The following PRMT8 variants were observed in gnomAD, a reference collection of about 807,000 sequenced individuals.
The protein encoded by PRMT8 is protein arginine methyltransferase 8, also known as protein arginine N-methyltransferase 8.
A neutral mutation model predicts 47.1 loss-of-function variants in PRMT8; 7 were observed. The ratio of observed to expected loss-of-function variants is 0.15; its 90% CI spans 0.08 to 0.28. PRMT8 has a LOEUF of 0.28. Ranked by LOEUF, PRMT8 falls within the 10% of genes least tolerant of loss-of-function variation. The probability of loss-of-function intolerance (pLI) is 1.00; values close to 1 mark genes in which losing one functional copy is unlikely to be tolerated. For missense variants in PRMT8, 237 were observed against 505.4 expected (o/e 0.47, Z 5.09); for synonymous variants, 188 against 186.5 (o/e 1.01, Z -0.07).
intron 4 of PRMT8, among the ~76,000 whole-genome samples, chr12:3,560,263 G>C (rs1355699439): frequency 6.6e-6 from 1 of 152,206 alleles, no homozygotes; most frequent in Non-Finnish European, 1.5e-5. Context: ...GGTCTCAGGA[G>C]CGTAGGTGTA....
intron 1 of PRMT8, chr12:3,469,216 G>A (rs1024877477): frequency 8.9e-5 from 42 of 471,772 alleles, no homozygotes; most frequent in South Asian, 4.9e-4. Context: ...CAGATCTAGT[G>A]AAGCCAGCAA....
intron 4 of PRMT8, among the ~76,000 whole-genome samples, chr12:3,563,583 T>A (rs1866671824): frequency 6.6e-6 from 1 of 152,084 alleles, no homozygotes; most frequent in Admixed American, 6.5e-5. Flanking sequence ...TCCTTTGCCT[T>A]CTCTGATTTC....
Position 3,568,755 on chromosome 12 carries a change from G to C in PRMT8, c.531G>C (p.Glu177Asp). 6.2e-7 allele frequency: 1 copy of C among 1,614,178 alleles called. No individual in the cohort carries two copies. Among genetic ancestry groups the C allele is most frequent in the Non-Finnish European group, 8.5e-7 (1 of 1,180,034 alleles). ...TGGAAGAGGTGGAGCTGCCTGTGGA[G>C]AAGGTGGACATCATCATCAGCGAGT... is the stretch of plus-strand genomic sequence containing the variant. ...GKVEEVELPVEKVDIIISEWM... is the reference protein window; with the variant it reads ...GKVEEVELPVDKVDIIISEWM... Residue 177 changes from glutamate to aspartate, a missense_variant, in exon 5 of 10, where the codon GAG (glutamate) becomes GAC (aspartate). This residue lies in a region of PRMT8 where 151 missense variants were observed against 341.1 expected (regional missense o/e 0.44). Coordinates refer to ENST00000382622, the MANE Select transcript of PRMT8 (RefSeq NM_019854.5).
At chr12:3,542,171 G>A (rs1351945942) in intron 2 of PRMT8, among the ~76,000 whole-genome samples, 1 of 152,208 alleles carries the variant, frequency 6.6e-6, no homozygotes, top group Non-Finnish European at 1.5e-5. Context: ...AGACTCAGGG[G>A]CTCAGCCTCA....
intron 1 of PRMT8, among the ~76,000 whole-genome samples, chr12:3,426,621 T>C (rs1864607150): frequency 6.6e-6 from 1 of 152,214 alleles, no homozygotes; most frequent in African/African-American, 2.4e-5. Flanking sequence ...AAGGCAAGCA[T>C]TAAATGCAAT....
At chr12:3,411,272 C>T (rs1374130284) in intron 1 of PRMT8, among the ~76,000 whole-genome samples, 1 of 152,208 alleles carries the variant, frequency 6.6e-6, no homozygotes, top group Non-Finnish European at 1.5e-5. Flanking sequence ...TAGAGTCTAC[C>T]TGTTGCTTTG....
rs1287762997 is a variant in PRMT8 at position 3,436,835 on chromosome 12, C to T, written c.48+55393C>T. On this transcript the variant is annotated intron_variant, in intron 1 of 9. Transcript: ENST00000452611. The surrounding 1 kb of genome is among the most constrained non-coding windows in gnomAD (Gnocchi z 4.2). ...AGGCTGCGATTTCTCTCTACTGATG[C>T]TGTGGCCTCTGTGGCAGGGCAAGCA... 6.6e-6 allele frequency among the ~76,000 whole-genome samples: 1 copy of T among 152,218 alleles called. No individual in the cohort carries two copies. Among genetic ancestry groups the T allele is most frequent in the Non-Finnish European group, 1.5e-5 (1 of 68,044 alleles).
chr12:3,463,142 A>T (rs1383516581), intron 1 of PRMT8, among the ~76,000 whole-genome samples: 6 of 152,176 alleles, frequency 3.9e-5, no homozygotes, highest in Non-Finnish European at 8.8e-5. Flanking sequence ...ACCCAATATT[A>T]TATCCCCATT....
upstream of PRMT8, among the ~76,000 whole-genome samples, chr12:3,489,109 T>C (rs1865348444): frequency 6.6e-6 from 1 of 152,082 alleles, no homozygotes; most frequent in South Asian, 2.1e-4. Flanking sequence ...GACAGAAAAC[T>C]CTTGCCATGA....
In PRMT8 at chr12:3,576,179, A is replaced by G. The variant is rs932977565; in HGVS notation, c.713-692A>G. 1.3e-5 allele frequency among the ~76,000 whole-genome samples: 2 copies of G among 152,204 alleles called. No individual in the cohort carries two copies. The highest frequency in any genetic ancestry group is 2.9e-5 in the Non-Finnish European group (2 of 68,036). On this transcript the variant is annotated intron_variant, in intron 6 of 9. Coordinates refer to ENST00000382622, the MANE Select transcript of PRMT8 (RefSeq NM_019854.5). This position sits in a 1 kb window ranked among gnomAD's most constrained non-coding sequence, Gnocchi z 4.0. ...CTGACAAGGAGAGGGTTTGTGCTCC[A>G]CTTGGGGGTAGTTCCTAATGGGGTG...
chr12:3,573,843 C>T (rs887306588), intron 6 of PRMT8: 1 of 152,096 alleles, frequency 6.6e-6, no homozygotes. Flanking sequence ...ATGGCTCTTA[C>T]CCCACATACA....
At position 3,453,684 on chromosome 12, in the gene PRMT8, G is replaced by A. The variant is rs1277269846; in HGVS notation, c.48+72242G>A. On this transcript the variant is annotated intron_variant, in intron 1 of 9. Coordinates refer to the PRMT8 transcript ENST00000452611. The surrounding 1 kb of genome is among the most constrained non-coding windows in gnomAD (Gnocchi z 4.9). ...TCACAGCCAGGGCAAATGCTGGGGC[G>A]CAGCCATGCTGGCTGTCTCCTCGTC... Among the ~76,000 whole-genome samples, 11 of 152,166 alleles carry A rather than the reference G, an allele frequency of 7.2e-5. No individual in the cohort carries two copies. Among genetic ancestry groups the A allele is most frequent in the Non-Finnish European group, 1.2e-4 (8 of 68,020 alleles).
intron 7 of PRMT8, among the ~76,000 whole-genome samples, chr12:3,579,002 A>T (rs572464837): frequency 1.3e-5 from 2 of 152,258 alleles, no homozygotes; most frequent in South Asian, 4.1e-4. Context: ...GGCAGGATTA[A>T]TTGTGAGCAA....
In PRMT8 at chr12:3,527,350, C is replaced by T. The variant is rs151024390; in HGVS notation, c.76-13256C>T. Among the ~76,000 whole-genome samples, 332 of 152,212 alleles carry T rather than the reference C, an allele frequency of 2.2e-3. 4 individuals carry two copies. The highest frequency in any genetic ancestry group is 7.8e-3 in the African/African-American group (326 of 41,546). ...GTGACTAATGGGCGGGCAGCATATACAGCATGAATATGCTGGACAAAGGGA... is the reference window on the plus strand; with the variant it reads ...GTGACTAATGGGCGGGCAGCATATATAGCATGAATATGCTGGACAAAGGGA... On this transcript the variant is annotated intron_variant, in intron 1 of 9. Coordinates refer to ENST00000382622, the MANE Select transcript of PRMT8 (RefSeq NM_019854.5).
chr12:3,432,945 C>T (rs1460954446), intron 1 of PRMT8, among the ~76,000 whole-genome samples: 2 of 152,168 alleles, frequency 1.3e-5, no homozygotes, highest in South Asian at 2.1e-4. Flanking sequence ...CTCTTATAAT[C>T]GTCCATAGAT....
chr12:3,431,373 G>A (rs1475487928), intron 1 of PRMT8, among the ~76,000 whole-genome samples: 2 of 152,176 alleles, frequency 1.3e-5, no homozygotes, highest in Non-Finnish European at 2.9e-5. Context: ...CTATTTCAAT[G>A]TGGGGCCGAA....
chr12:3,435,826 G>A (rs1009439318), intron 1 of PRMT8, among the ~76,000 whole-genome samples: 1 of 152,144 alleles, frequency 6.6e-6, no homozygotes, highest in Non-Finnish European at 1.5e-5. Context: ...GGCCAACGTC[G>A]TGTGTTTTGA....
intron 4 of PRMT8, among the ~76,000 whole-genome samples, chr12:3,554,897 C>T (rs949001876): frequency 3.9e-5 from 6 of 152,280 alleles, no homozygotes; most frequent in South Asian, 2.1e-4. Flanking sequence ...CTAGAGGGTG[C>T]CTGCTGCCCT....
chr12:3,478,061 A>T (rs558685059), intron 1 of PRMT8, among the ~76,000 whole-genome samples: 1 of 152,284 alleles, frequency 6.6e-6, no homozygotes, highest in Admixed American at 6.5e-5. Context: ...TGTAAAGAAG[A>T]AAAAGAAGAT....
Sources: gnomAD v4.1 joint callset for allele counts (sites outside exome capture counted in the v4.1 genomes callset) on GRCh38, gnomAD v4.1.1 for gene constraint, gnomAD v4.1.1 regional missense constraint, Gnocchi (gnomAD v3.1) non-coding constraint, MANE v1.5 for transcripts, NCBI Gene and HGNC (gene_info 2026-07-23, HGNC 2026-07-21) for gene names.